The following TRAF3IP1 variants were observed in gnomAD, a reference collection of about 807,000 sequenced individuals.
TRAF3IP1 encodes the protein intraflagellar transport 54, also known as TRAF3-interacting protein 1.
A neutral mutation model predicts 89.9 loss-of-function variants in TRAF3IP1; 53 were observed. The observed-to-expected ratio is 0.59, with a 90% CI of 0.47 to 0.74. The LOEUF (loss-of-function observed/expected upper bound fraction) is 0.74. Among genes scored for constraint, TRAF3IP1 ranks in the 30% least tolerant of loss-of-function variants. TRAF3IP1 has a pLI of 0.00. For missense variants in TRAF3IP1, 806 were observed against 866.1 expected (o/e 0.93, Z 0.87); for synonymous variants, 311 against 322.1 (o/e 0.97, Z 0.37).
At chr2:238,388,374 CAAAA>C (rs71043134) in intron 15 of TRAF3IP1, among the ~76,000 whole-genome samples, 4 of 101,648 alleles carry the variant, frequency 3.9e-5, no homozygotes, top group Admixed American at 1.1e-4. Flanking sequence ...GACCCTGTCT[CAAAA>C]AAAAAAAAAA....
chr2:238,342,570 A>T (rs1216697252), intron 8 of TRAF3IP1, among the ~76,000 whole-genome samples: 1 of 152,242 alleles, frequency 6.6e-6, no homozygotes, highest in South Asian at 2.1e-4. Context: ...TGTGATGGTG[A>T]ATATGGTAGA....
At chr2:238,388,830 C>T (rs1295178373) in intron 15 of TRAF3IP1, among the ~76,000 whole-genome samples, 2 of 151,930 alleles carry the variant, frequency 1.3e-5, no homozygotes, top group Non-Finnish European at 2.9e-5. Context: ...GATGGAGTTT[C>T]ACCACGTTGT....
chr2:238,328,614 C>A (rs147573586), intron 3 of TRAF3IP1, 72 bp from the exon 4 acceptor site: 3 of 1,514,522 alleles, frequency 2.0e-6, no homozygotes, highest in Non-Finnish European at 1.8e-6. Flanking sequence ...CTTTGAATGG[C>A]GATGTTCTAT....
At chr2:238,369,905 C>T (rs887219972) in intron 15 of TRAF3IP1, among the ~76,000 whole-genome samples, 2 of 152,178 alleles carry the variant, frequency 1.3e-5, no homozygotes, top group Non-Finnish European at 2.9e-5. Flanking sequence ...TTTTCATGCG[C>T]AGATGGCCTC....
At chr2:238,376,077 G>C (rs945278032) in intron 15 of TRAF3IP1, among the ~76,000 whole-genome samples, 1 of 152,166 alleles carries the variant, frequency 6.6e-6, no homozygotes, top group African/African-American at 2.4e-5. Flanking sequence ...AATATTTTCA[G>C]CCATGAGAAC....
In TRAF3IP1 at chr2:238,328,751, C is replaced by A; in HGVS notation, c.420C>A (p.Ala140=). ...AGAAGGGAGAAGTGAAAGGCCGGGC[C>A]TCACTGACCTCAAGATCTCAGGAAT... ...AGEKGEVKGR[A]SLTSRSQELD... The change falls in exon 4 of 17, where the codon GCC becomes GCA. Residue 140 remains alanine, a synonymous_variant. Coordinates refer to ENST00000373327, the MANE Select transcript of TRAF3IP1 (RefSeq NM_015650.4). 1 of 1,613,968 alleles carries A rather than the reference C, an allele frequency of 6.2e-7. No individual in the cohort carries two copies. The highest frequency in any genetic ancestry group is 8.5e-7 in the Non-Finnish European group (1 of 1,179,986).
At chr2:238,377,230 CTTT>C (rs71402784) in intron 15 of TRAF3IP1, among the ~76,000 whole-genome samples, 8 of 86,708 alleles carry the variant, frequency 9.2e-5, no homozygotes, top group Admixed American at 1.7e-4. Flanking sequence ...TCCTGATTTT[CTTT>C]TTTTTTTTTT....
chr2:238,328,704 G>A lies in TRAF3IP1; in HGVS notation c.373G>A (p.Val125Met), dbSNP rs886037898. ...CLNKLSSDDA[V>M]RRVLAGEKGE... ...CGACAAGCTCTCTAGTGACGATGCG[G>A]TGCGGAGGGTTTTAGCTGGAGAGAA... Residue 125 changes from valine to methionine, a missense_variant, in exon 4 of 17, where the codon GTG (valine) becomes ATG (methionine). Physicochemically the swap from Val to Met is conservative, Grantham distance 21 (BLOSUM62 1). Around this residue, in one of 3 missense-constraint regions of TRAF3IP1, gnomAD observed 732 missense variants for 780.5 expected, o/e 0.94. Coordinates refer to ENST00000373327, the MANE Select transcript of TRAF3IP1 (RefSeq NM_015650.4). 6.2e-7 allele frequency: 1 copy of A among 1,613,918 alleles called. No homozygotes were observed.
intron 1 of TRAF3IP1, among the ~76,000 whole-genome samples, chr2:238,321,641 A>G (rs1198129709): frequency 2.0e-5 from 3 of 152,210 alleles, no homozygotes; most frequent in Admixed American, 6.5e-5. Flanking sequence ...ATTGCACAAC[A>G]AACATCCCCT....
At chr2:238,322,453 C>CG (rs1441709761) in intron 1 of TRAF3IP1, among the ~76,000 whole-genome samples, 1 of 152,144 alleles carries the variant, frequency 6.6e-6, no homozygotes, top group Non-Finnish European at 1.5e-5. Flanking sequence ...CTCTGGGAGG[C>CG]CAAGGCGGGC....
At chr2:238,392,049 T>C (rs536013884) in intron 15 of TRAF3IP1, among the ~76,000 whole-genome samples, 1 of 152,344 alleles carries the variant, frequency 6.6e-6, no homozygotes, top group East Asian at 1.9e-4. Flanking sequence ...ACGTTTGATA[T>C]AACCATAGAT....
At chr2:238,331,975 T>C (rs1490863602) in intron 5 of TRAF3IP1, among the ~76,000 whole-genome samples, 4 of 152,210 alleles carry the variant, frequency 2.6e-5, no homozygotes, top group East Asian at 1.9e-4. Flanking sequence ...ATAGTAGATA[T>C]GAAAACACTT....
chr2:238,397,374 C>T, intron 15 of TRAF3IP1, 85 bp from the exon 16 acceptor site: 1 of 1,234,670 alleles, frequency 8.1e-7, no homozygotes. Context: ...CTCCCAGCCC[C>T]ATGGCCGTGT....
chr2:238,325,655 T>C (rs1232657038), intron 2 of TRAF3IP1, among the ~76,000 whole-genome samples, 154 bp from the exon 3 acceptor site: 1 of 152,236 alleles, frequency 6.6e-6, no homozygotes, highest in East Asian at 1.9e-4. Flanking sequence ...GTTTTTGTTT[T>C]GTCAGTAAAA....
chr2:238,384,384 A>ATG (rs1472029617), intron 15 of TRAF3IP1, among the ~76,000 whole-genome samples: 1,151 of 86,990 alleles, frequency 0.013, 10 homozygotes, highest in African/African-American at 0.048. Flanking sequence ...ATGTATGTAT[A>ATG]TATATATATA....
chr2:238,367,709 T>C (rs1382182335), intron 15 of TRAF3IP1, among the ~76,000 whole-genome samples: 1 of 151,990 alleles, frequency 6.6e-6, no homozygotes, highest in African/African-American at 2.4e-5. Flanking sequence ...GCACCACAAC[T>C]CACTGCTGAG....
In TRAF3IP1 at chr2:238,353,277, C is replaced by T. The variant is rs539540220; in HGVS notation, c.1612+68C>T. On this transcript the variant is annotated intron_variant, in intron 14 of 16. Transcript: ENST00000373327. The stretch of plus-strand genomic sequence containing the variant: ...TGCTCATGCACCTTCTCCACGTGGG[C>T]CTGGAAGGATCCAGTGCAAGGGACT... The T allele has an allele frequency of 6.8e-4, 1,060 of 1,564,560 alleles. 18 individuals carry two copies. In the South Asian group the frequency reaches 0.011, roughly 16 times the overall value.
chr2:238,372,820 C>T (rs1165415107), intron 15 of TRAF3IP1, among the ~76,000 whole-genome samples: 1 of 152,182 alleles, frequency 6.6e-6, no homozygotes, highest in African/African-American at 2.4e-5. Flanking sequence ...TAATGACTGC[C>T]ATTCTAACTG....
chr2:238,334,499 G>T (rs772662287), intron 7 of TRAF3IP1, among the ~76,000 whole-genome samples: 1 of 151,208 alleles, frequency 6.6e-6, no homozygotes, highest in Non-Finnish European at 1.5e-5. Flanking sequence ...CCTGCGGTCC[G>T]CTGAAGGATA....
Sources: gnomAD v4.1 joint callset for allele counts (sites outside exome capture counted in the v4.1 genomes callset) on GRCh38, gnomAD v4.1.1 for gene constraint, gnomAD v4.1.1 regional missense constraint, MANE v1.5 for transcripts, NCBI Gene and HGNC (gene_info 2026-07-23, HGNC 2026-07-21) for gene names.